MAGOHB: variants seen among roughly 807,000 people sequenced by gnomAD.
MAGOHB encodes the protein mago homolog B, exon junction complex subunit.
In MAGOHB, 15 loss-of-function variants were observed where a neutral mutation model predicts 20.9. The observed-to-expected ratio is 0.72, with a 90% confidence interval of 0.48 to 1.11. The LOEUF (loss-of-function observed/expected upper bound fraction) is 1.11, where lower values mean the gene tolerates loss of function less well. Ranked by LOEUF, MAGOHB falls within the 50% of genes least tolerant of loss-of-function variation. The pLI is 0.00. For missense variants in MAGOHB, 162 were observed against 177.6 expected (o/e 0.91, Z 0.50); for synonymous variants, 50 against 57.9 (o/e 0.86, Z 0.62).
chr12:10,611,320 CTAGTT>C (rs1300698691), intron 1 of MAGOHB, among the ~76,000 whole-genome samples: 1 of 152,096 alleles, frequency 6.6e-6, no homozygotes, highest in East Asian at 1.9e-4. Context: ...AGTTTGTTAG[CTAGTT>C]TATATTTAAT....
chr12:10,612,907 C>G, intron 1 of MAGOHB: 1 of 1,289,192 alleles, frequency 7.8e-7, no homozygotes, highest in Admixed American at 2.3e-5. Context: ...GTGCCGTCCT[C>G]TAAGAAGATC....
chr12:10,610,014 C>T (rs1462244517), intron 2 of MAGOHB, 73 bp from the exon 3 acceptor site: 3 of 784,770 alleles, frequency 3.8e-6, no homozygotes, highest in East Asian at 2.8e-5. Flanking sequence ...AAATGAGTTA[C>T]AAACCCTGAA....
chr12:10,607,701 A>G (rs1865654108), intron 4 of MAGOHB, among the ~76,000 whole-genome samples, 153 bp downstream of exon 4: 1 of 152,198 alleles, frequency 6.6e-6, no homozygotes, highest in Non-Finnish European at 1.5e-5. Flanking sequence ...GAGACAAGAT[A>G]ATAAGCCTTT....
At chr12:10,606,411 T>C (rs1157262846) in intron 4 of MAGOHB, 37 bp from the exon 5 acceptor site, 1 of 1,170,284 alleles carries the variant, frequency 8.5e-7, no homozygotes, top group Non-Finnish European at 1.2e-6. Context: ...TTTTTCTTCC[T>C]AGGATAAAAC....
In MAGOHB at chr12:10,613,541, C is replaced by T; in HGVS notation, c.-9G>A. On this transcript the variant is annotated 5_prime_UTR_variant, in exon 1 of 5. Transcript: ENST00000320756. ...TCGCTAGCCACAGCCATTTTTGTAC[C>T]CGGGAAGCCCGCCGAAAACGCAGCC... 2 of 1,603,830 alleles carry T rather than the reference C, an allele frequency of 1.2e-6. No individual in the cohort carries two copies. The highest frequency in any genetic ancestry group is 1.7e-6 in the Non-Finnish European group (2 of 1,170,672).
chr12:10,608,359 C>G (rs979873852), intron 3 of MAGOHB: 1 of 156,498 alleles, frequency 6.4e-6, no homozygotes, highest in African/African-American at 2.4e-5. Flanking sequence ...ATATTAATAA[C>G]CACCACCACT....
chr12:10,608,670 C>A (rs1380405669), intron 3 of MAGOHB: 1 of 150,574 alleles, frequency 6.6e-6, no homozygotes, highest in African/African-American at 2.4e-5. Context: ...TAGATTTTTC[C>A]CTATATTGTT....
At position 10,604,494 on chromosome 12, in the gene MAGOHB, A is replaced by T. The variant is rs1364810581; in HGVS notation, c.*1781T>A. ...AGTTAGAGAACGGGGACAAAGACTT[A>T]AAGATTTTTCAACGTAAGCACTATT... On this transcript the variant is annotated 3_prime_UTR_variant, in exon 5 of 5. Coordinates refer to ENST00000320756, the MANE Select transcript of MAGOHB (RefSeq NM_018048.5). 6.6e-6 allele frequency: 1 copy of T among 152,232 alleles called. No individual in the cohort carries two copies. Among genetic ancestry groups the T allele is most frequent in the East Asian group, 1.9e-4 (1 of 5,200 alleles). The allele number at this position is 152,232 out of a possible 1,614,324, so 9.4% of individuals were successfully genotyped here.
downstream of MAGOHB, among the ~76,000 whole-genome samples, chr12:10,599,962 TATAAA>T (rs1367761617): frequency 6.6e-6 from 1 of 152,142 alleles, no homozygotes; most frequent in Non-Finnish European, 1.5e-5. Flanking sequence ...AATATAGACA[TATAAA>T]AGAAGTGTAA....
chr12:10,610,767 T>C (rs1312280353), intron 1 of MAGOHB, 87 bp from the exon 2 acceptor site: 6 of 1,169,616 alleles, frequency 5.1e-6, no homozygotes, highest in Non-Finnish European at 7.2e-6. Context: ...GTAAAGACCA[T>C]TTTATACTAC....
At chr12:10,613,013 A>G (rs1565553416) in intron 1 of MAGOHB, 11 of 1,135,218 alleles carry the variant, frequency 9.7e-6, no homozygotes, top group Non-Finnish European at 1.3e-5. Context: ...CACCTAAAAC[A>G]TATTATTATT....
In MAGOHB at chr12:10,610,624, C is replaced by G. The variant is rs1179640314; in HGVS notation, c.151G>C (p.Glu51Gln). 1 of 1,487,948 alleles carries G rather than the reference C, an allele frequency of 6.7e-7. No individual in the cohort carries two copies. The highest frequency in any genetic ancestry group is 9.0e-7 in the Non-Finnish European group (1 of 1,111,402). 92.2% of individuals were successfully genotyped at this position (1,487,948 alleles called of 1,614,324 possible). Residue 51 changes from glutamate (E) to glutamine (Q), a missense_variant and splice_region_variant, in exon 2 of 5, where the codon GAG (glutamate) becomes CAG (glutamine). Glu to Gln is a conservative substitution (Grantham distance 29, BLOSUM62 2). Transcript: ENST00000320756. The stretch of plus-strand genomic sequence containing the variant: ...AAAGACATTCACATAGAACTTACCT[C>G]TTTTCTGATCATGACATCATTTTTG... ...NYKNDVMIRK[E>Q]AYVHKSVMEE...
chr12:10,613,417 C>T (rs1484611437), intron 1 of MAGOHB, 22 bp downstream of exon 1: 2 of 1,610,454 alleles, frequency 1.2e-6, no homozygotes, highest in Admixed American at 1.7e-5. Flanking sequence ...CCCAGCACCG[C>T]GTGCCGTGGG....
downstream of MAGOHB, among the ~76,000 whole-genome samples, chr12:10,600,473 A>G (rs1426852709): frequency 6.6e-6 from 1 of 152,110 alleles, no homozygotes; most frequent in African/African-American, 2.4e-5. Flanking sequence ...ACTCTAATAT[A>G]TATCACCAAA....
In MAGOHB at chr12:10,609,815, A is replaced by G; in HGVS notation, c.264+16T>C. 1 of 1,473,146 alleles carries G rather than the reference A, an allele frequency of 6.8e-7. No homozygotes were observed. The highest frequency in any genetic ancestry group is 9.5e-7 in the Non-Finnish European group (1 of 1,054,826). The allele number at this position is 1,473,146 out of a possible 1,614,324, so 91.3% of individuals were successfully genotyped here. On this transcript the variant is annotated intron_variant, in intron 3 of 4. Coordinates refer to ENST00000320756, the MANE Select transcript of MAGOHB (RefSeq NM_018048.5). ...TTTTTAATATTTATACACTTAAAGA[A>G]TCACTAAATACAAACCTGTCGGCCA... is the stretch of plus-strand genomic sequence containing the variant.
chr12:10,610,606 T>TAAAAAAAAAAA lies in MAGOHB; in HGVS notation c.153+15_153+16insTTTTTTTTTTT. 1.5e-6 allele frequency: 2 copies of TAAAAAAAAAAA among 1,325,178 alleles called. No individual in the cohort carries two copies. The highest frequency in any genetic ancestry group is 9.9e-7 in the Non-Finnish European group (1 of 1,007,950). The allele number at this position is 1,325,178 out of a possible 1,614,324, so 82.1% of individuals were successfully genotyped here. A position where few individuals can be genotyped will look rare whatever the true frequency, so the allele number is the denominator to read the frequency against. On this transcript the variant is annotated intron_variant, in intron 2 of 4. Transcript: ENST00000320756. ...AAAAAAAAAAAAAAAAAAAAAGACA[T>TAAAAAAAAAAA]TCACATAGAACTTACCTCTTTTCTG...
rs1329952212 is a variant in MAGOHB at position 10,604,208 on chromosome 12, T to C, written c.*2067A>G. On this transcript the variant is annotated 3_prime_UTR_variant, in exon 5 of 5. Transcript: ENST00000320756. The stretch of plus-strand genomic sequence containing the variant: ...AAAAGTCTGATTATTTCAAGTGGTC[T>C]CTTTATTAAGGAAGGAGGTAAAAGG... 1 of 152,232 alleles carries C rather than the reference T, an allele frequency of 6.6e-6. No homozygotes were observed. Among genetic ancestry groups the C allele is most frequent in the East Asian group, 1.9e-4 (1 of 5,202 alleles). 9.4% of individuals were successfully genotyped at this position (152,232 alleles called of 1,614,324 possible).
At chr12:10,606,796 T>C (rs1263007139) in intron 4 of MAGOHB, among the ~76,000 whole-genome samples, 2 of 152,102 alleles carry the variant, frequency 1.3e-5, no homozygotes, top group Non-Finnish European at 2.9e-5. Flanking sequence ...TAGTAATTTT[T>C]AATTAATTTA....
intron 4 of MAGOHB, among the ~76,000 whole-genome samples, chr12:10,606,821 G>A (rs1223980079): frequency 6.7e-6 from 1 of 149,412 alleles, no homozygotes; most frequent in Admixed American, 6.7e-5. Context: ...TTCTCTCCTT[G>A]TTAGACACTG....
Sources: gnomAD v4.1 joint callset for allele counts (sites outside exome capture counted in the v4.1 genomes callset) on GRCh38, gnomAD v4.1.1 for gene constraint, MANE v1.5 for transcripts, NCBI Gene and HGNC (gene_info 2026-07-23, HGNC 2026-07-21) for gene names.